RGS12: variants seen among roughly 807,000 people sequenced by gnomAD.
RGS12 encodes regulator of G protein signaling 12, also known as regulator of G-protein signaling 12.
RGS12 carries 66 observed loss-of-function variants against 120.1 expected under a neutral mutation model. The ratio of observed to expected loss-of-function variants is 0.55; its 90% confidence interval spans 0.45 to 0.67. RGS12 has a LOEUF of 0.67. Ranked by LOEUF, RGS12 falls within the 30% of genes least tolerant of loss-of-function variation. The pLI is 0.00. For missense variants in RGS12, 1,859 were observed against 1,957.7 expected, an observed-to-expected ratio of 0.95 and a Z score of 0.95; for synonymous variants, 827 against 804.7, an observed-to-expected ratio of 1.03 and a Z score of -0.47.
intron 3 of RGS12, among the ~76,000 whole-genome samples, chr4:3,346,295 C>G (rs1242385882): frequency 6.6e-6 from 1 of 152,164 alleles, no homozygotes; most frequent in East Asian, 1.9e-4. Context: ...TAGTTCCCAG[C>G]AGAAGCTACT....
At chr4:3,296,130 T>G (rs1383064357) in intron 1 of RGS12, among the ~76,000 whole-genome samples, 1 of 152,224 alleles carries the variant, frequency 6.6e-6, no homozygotes, top group Non-Finnish European at 1.5e-5. Flanking sequence ...CCTCATTCCT[T>G]GGCTCCCGGC....
intron 2 of RGS12, among the ~76,000 whole-genome samples, chr4:3,326,237 G>A (rs1725546548): frequency 1.3e-5 from 2 of 152,116 alleles, no homozygotes; most frequent in South Asian, 4.1e-4. Flanking sequence ...AATTATCGTG[G>A]TTTGCTGATG....
In RGS12 at chr4:3,433,033, T is replaced by A. The variant is rs1422840695; in HGVS notation, c.4114+2078T>A. Among the ~76,000 whole-genome samples, 1 of 152,210 alleles carries A rather than the reference T, an allele frequency of 6.6e-6. No homozygotes were observed. Among genetic ancestry groups the A allele is most frequent in the African/African-American group, 2.4e-5 (1 of 41,452 alleles). On this transcript the variant is annotated intron_variant, in intron 17 of 17. Transcript: ENST00000336727. This position sits in a 1 kb window ranked among gnomAD's most constrained non-coding sequence, Gnocchi z 4.4. The stretch of plus-strand genomic sequence containing the variant: ...ACCCCCACTCTAATGGGATTCTCTG[T>A]ATTGGAGAGTTCACCTGCCCATGGC...
In RGS12 at chr4:3,439,499, A is replaced by G. The variant is rs528267044; in HGVS notation, c.4159A>G (p.Ile1387Val). ...CCGAGACCTCCCAGTCAACAGAATC[A>G]TCGATGTGGATCTTGTAACTGGCTC... ...GSRDLPVNRI[I>V]DVDLVTGSAP... The change falls in exon 18 of 18, where the codon ATC becomes GTC. Residue 1387 changes from isoleucine (I) to valine (V), a missense_variant. This residue lies in a region of RGS12 where 517 missense variants were observed against 488.5 expected (regional missense o/e 1.06). Transcript: ENST00000336727. 2.0e-5 allele frequency: 33 copies of G among 1,612,720 alleles called. 1 individual carries two copies. In the South Asian group the frequency reaches 3.1e-4, roughly 15 times the overall value.
chr4:3,306,018 A>G (rs965794961), intron 1 of RGS12, among the ~76,000 whole-genome samples: 1 of 152,218 alleles, frequency 6.6e-6, no homozygotes, highest in Admixed American at 6.5e-5. Flanking sequence ...ACTGGTGTCC[A>G]TTCCATCAGG....
chr4:3,333,350 G>A (rs1426744464), intron 2 of RGS12, among the ~76,000 whole-genome samples: 1 of 152,128 alleles, frequency 6.6e-6, no homozygotes, highest in African/African-American at 2.4e-5. Context: ...TGCCCGGCCT[G>A]GTCTCAAACT....
intron 3 of RGS12, among the ~76,000 whole-genome samples, chr4:3,364,590 G>T (rs1716106522): frequency 6.6e-6 from 1 of 152,116 alleles, no homozygotes; most frequent in South Asian, 2.1e-4. Flanking sequence ...GTGATGTGGG[G>T]AGTGCCCGAC....
intron 1 of RGS12, among the ~76,000 whole-genome samples, chr4:3,293,308 G>T (rs1303412908): frequency 3.0e-5 from 3 of 100,488 alleles, no homozygotes; most frequent in African/African-American, 1.6e-4. Context: ...CCCGGCGCGG[G>T]GCGGGGCGGG....
At chr4:3,328,974 A>G (rs575581532) in intron 2 of RGS12, among the ~76,000 whole-genome samples, 3 of 152,216 alleles carry the variant, frequency 2.0e-5, no homozygotes, top group Admixed American at 2.0e-4. Flanking sequence ...TCCAGTCTGG[A>G]TGGGAGGTCA....
intron 1 of RGS12, chr4:3,314,943 G>C (rs1471979700): frequency 6.6e-6 from 1 of 152,258 alleles, no homozygotes; most frequent in African/African-American, 2.4e-5. Context: ...CTTGTGTGGG[G>C]AACAAGGTTT....
intron 2 of RGS12, among the ~76,000 whole-genome samples, chr4:3,320,216 C>T (rs1037892600): frequency 4.6e-5 from 7 of 152,194 alleles, no homozygotes; most frequent in African/African-American, 1.7e-4. Context: ...CTCAGCGGAC[C>T]TGAGAGACAG....
chr4:3,319,931 G>T (rs1178815053), intron 2 of RGS12, among the ~76,000 whole-genome samples: 1 of 152,254 alleles, frequency 6.6e-6, no homozygotes, highest in Non-Finnish European at 1.5e-5. Flanking sequence ...TGGCCTCAGT[G>T]TGGGCTGCCT....
chr4:3,319,931 G>A (rs1178815053), intron 2 of RGS12, among the ~76,000 whole-genome samples: 1 of 152,372 alleles, frequency 6.6e-6, no homozygotes, highest in Middle Eastern at 3.4e-3. Flanking sequence ...TGGCCTCAGT[G>A]TGGGCTGCCT....
In RGS12 at chr4:3,425,546, C is replaced by T. The variant is rs751311594; in HGVS notation, c.3317C>T (p.Pro1106Leu). ...CGGGTTGTCTTGGAGGAGAAGGATC[C>T]TTCCAGAGGAAAGGGTGAGTAGGGC... ...GQRVVLEEKDPSRGKASADKQ... is the reference protein window; with the variant it reads ...GQRVVLEEKDLSRGKASADKQ... Residue 1106 changes from proline (P) to leucine (L), a missense_variant, in exon 14 of 18, where the codon CCT becomes CTT. By Grantham distance (98) the Pro-to-Leu change is moderately conservative (BLOSUM62 -3). Transcript: ENST00000336727. 7.5e-6 allele frequency: 12 copies of T among 1,609,274 alleles called. No homozygotes were observed. Among genetic ancestry groups the T allele is most frequent in the Middle Eastern group, 1.6e-4 (1 of 6,076 alleles).
chr4:3,389,337 G>A lies in RGS12; in HGVS notation c.2020+2900G>A, dbSNP rs1719215968. On this transcript the variant is annotated intron_variant, in intron 4 of 17. Transcript: ENST00000336727. This position sits in a 1 kb window ranked among gnomAD's most constrained non-coding sequence, Gnocchi z 5.2. ...TGGGGGCAGGGAGCAGATTCCAGCT[G>A]GAGAGAAGGAAGCACATTCTAGCAT... 6.6e-6 allele frequency among the ~76,000 whole-genome samples: 1 copy of A among 152,152 alleles called. No homozygotes were observed. The highest frequency in any genetic ancestry group is 1.5e-5 in the Non-Finnish European group (1 of 68,030).
Position 3,366,005 on chromosome 4 carries a change from G to A in RGS12, c.1999-20411G>A, listed in dbSNP as rs10155401. On this transcript the variant is annotated intron_variant, in intron 3 of 17. Coordinates refer to ENST00000336727, the MANE Select transcript of RGS12 (RefSeq NM_001394154.1). The surrounding 1 kb of genome is among the most constrained non-coding windows in gnomAD (Gnocchi z 4.0). Reference sequence around the variant, plus strand: ...TGCCTTGTGGAGCTGGTCCTGGATGGGCTGCATGGGGCACCGTTGCGTGGG... The same window carrying A: ...TGCCTTGTGGAGCTGGTCCTGGATGAGCTGCATGGGGCACCGTTGCGTGGG... Among the ~76,000 whole-genome samples, 2,459 of 152,240 alleles carry A rather than the reference G, an allele frequency of 0.016. 70 individuals are homozygous for A. Among genetic ancestry groups the A allele is most frequent in the African/African-American group, 0.057 (2,353 of 41,530 alleles).
At chr4:3,371,274 T>C (rs952147535) in intron 3 of RGS12, among the ~76,000 whole-genome samples, 15 of 152,316 alleles carry the variant, frequency 9.8e-5, no homozygotes, top group African/African-American at 3.4e-4. Flanking sequence ...GGGGCGTGCC[T>C]GCCGCGGGCC....
At position 3,372,812 on chromosome 4, in the gene RGS12, C is replaced by A. The variant is rs12640186; in HGVS notation, c.1999-13604C>A. ...CGGGGTTGTCTTCAGGCTGCCAGAG[C>A]GTGACAGAAAGAACTTTCTAGAGAC... On this transcript the variant is annotated intron_variant, in intron 3 of 17. Coordinates refer to ENST00000336727, the MANE Select transcript of RGS12 (RefSeq NM_001394154.1). This position sits in a 1 kb window ranked among gnomAD's most constrained non-coding sequence, Gnocchi z 4.3. Among the ~76,000 whole-genome samples, 1 of 152,088 alleles carries A rather than the reference C, an allele frequency of 6.6e-6. No individual in the cohort carries two copies. Among genetic ancestry groups the A allele is most frequent in the Non-Finnish European group, 1.5e-5 (1 of 68,012 alleles).
chr4:3,349,459 C>G (rs1174345108), intron 3 of RGS12, among the ~76,000 whole-genome samples: 1 of 152,176 alleles, frequency 6.6e-6, no homozygotes, highest in East Asian at 1.9e-4. Flanking sequence ...ATCTCTCGCT[C>G]TCCTACTTAG....
Sources: gnomAD v4.1 joint callset for allele counts (sites outside exome capture counted in the v4.1 genomes callset) on GRCh38, gnomAD v4.1.1 for gene constraint, gnomAD v4.1.1 regional missense constraint, Gnocchi (gnomAD v3.1) non-coding constraint, MANE v1.5 for transcripts, NCBI Gene and HGNC (gene_info 2026-07-23, HGNC 2026-07-21) for gene names.